PDE1C: variants seen among roughly 807,000 people sequenced by gnomAD.
PDE1C encodes dual specificity calcium/calmodulin-dependent 3',5'-cyclic nucleotide phosphodiesterase 1C.
Under a neutral mutation model 93.1 loss-of-function variants are expected in PDE1C, and 62 were observed. The observed-to-expected ratio is 0.67, with a 90% CI of 0.54 to 0.82. The LOEUF (loss-of-function observed/expected upper bound fraction) is 0.82. PDE1C is among the 40% of genes least tolerant of loss of function. The pLI is 0.00. For missense variants in PDE1C, 742 were observed against 884.6 expected (o/e 0.84, Z 2.04); for synonymous variants, 325 against 310.1 (o/e 1.05, Z -0.50).
At position 32,011,010 on chromosome 7, in the gene PDE1C, C is replaced by T. The variant is rs75425285; in HGVS notation, c.128+40544G>A. ...ACAGACATCAAAAGCACAATCCATA[C>T]AAAAAAAGAAACTAATAAGCTGGAC... is the stretch of plus-strand genomic sequence containing the variant. On this transcript the variant is annotated intron_variant, in intron 2 of 17. Coordinates refer to ENST00000396191, the MANE Select transcript of PDE1C (RefSeq NM_001191057.4). 9.5e-3 allele frequency among the ~76,000 whole-genome samples: 1,439 copies of T among 151,732 alleles called. 28 individuals are homozygous for T. Among genetic ancestry groups the T allele is most frequent in the African/African-American group, 0.033 (1,373 of 41,378 alleles).
chr7:31,789,959 T>G, intron 16 of PDE1C: 1 of 1,218,278 alleles, frequency 8.2e-7, no homozygotes, highest in Non-Finnish European at 1.0e-6. Flanking sequence ...AGGATGCCCC[T>G]TCATGTTTTG....
intron 9 of PDE1C, among the ~76,000 whole-genome samples, chr7:31,842,219 AT>A (rs1329310609): frequency 1.3e-5 from 2 of 152,106 alleles, no homozygotes; most frequent in East Asian, 3.8e-4. Flanking sequence ...TTTACTGAGA[AT>A]TGTTATAGCT....
chr7:32,003,040 T>C (rs919808288), intron 2 of PDE1C, among the ~76,000 whole-genome samples: 2 of 152,242 alleles, frequency 1.3e-5, no homozygotes, highest in African/African-American at 2.4e-5. Context: ...ATCAGCACTA[T>C]AGCTTCTCTT....
intron 1 of PDE1C, among the ~76,000 whole-genome samples, chr7:32,311,457 A>G (rs1783038298): frequency 6.6e-6 from 1 of 152,358 alleles, no homozygotes; most frequent in Admixed American, 6.5e-5. Context: ...ACCAAAAAAG[A>G]GAATTTTAGA....
chr7:31,973,234 C>T (rs1407950246), intron 2 of PDE1C, among the ~76,000 whole-genome samples: 1 of 152,052 alleles, frequency 6.6e-6, no homozygotes, highest in Admixed American at 6.6e-5. Flanking sequence ...ACAAAAGACT[C>T]AACAGTCATA....
At chr7:31,909,419 G>C (rs1378193907) in intron 2 of PDE1C, among the ~76,000 whole-genome samples, 1 of 152,100 alleles carries the variant, frequency 6.6e-6, no homozygotes, top group Non-Finnish European at 1.5e-5. Flanking sequence ...GACTAACTTG[G>C]TTTGGCTGGA....
chr7:32,235,427 A>C (rs1226555550), intron 1 of PDE1C, among the ~76,000 whole-genome samples: 2 of 151,716 alleles, frequency 1.3e-5, no homozygotes, highest in Non-Finnish European at 2.9e-5. Flanking sequence ...CAAAAAAAAA[A>C]CTCCTAGAAC....
At chr7:31,769,805 C>T (rs1795367961) in intron 17 of PDE1C, among the ~76,000 whole-genome samples, 1 of 152,212 alleles carries the variant, frequency 6.6e-6, no homozygotes, top group East Asian at 1.9e-4. Context: ...AATGTACTTT[C>T]TGTCTCTATG....
At chr7:31,827,606 A>C (rs1789854133) in intron 12 of PDE1C, among the ~76,000 whole-genome samples, 1 of 152,128 alleles carries the variant, frequency 6.6e-6, no homozygotes, top group Admixed American at 6.5e-5. Flanking sequence ...AAAAAAGCAT[A>C]AGCACTCAAA....
chr7:32,408,780 C>G (rs2128097332), intron 1 of PDE1C, among the ~76,000 whole-genome samples: 1 of 152,024 alleles, frequency 6.6e-6, no homozygotes, highest in South Asian at 2.1e-4. Context: ...CAAAGCGAGA[C>G]TCTGTCTCAA....
At chr7:32,032,529 G>T (rs1048645504) in intron 2 of PDE1C, among the ~76,000 whole-genome samples, 3 of 152,166 alleles carry the variant, frequency 2.0e-5, no homozygotes, top group African/African-American at 7.2e-5. Context: ...TTCCCAAAAG[G>T]CACATGTAAA....
intron 17 of PDE1C, among the ~76,000 whole-genome samples, chr7:31,765,430 G>C (rs960510475): frequency 6.6e-6 from 1 of 152,106 alleles, no homozygotes; most frequent in Non-Finnish European, 1.5e-5. Flanking sequence ...ATCATATTTT[G>C]GAGATAACGC....
chr7:31,671,136 T>C, the PDE1C span, among the ~76,000 whole-genome samples: 2 of 152,286 alleles, frequency 1.3e-5, no homozygotes, highest in Admixed American at 1.3e-4. Context: ...AGAACTTGAG[T>C]GCAGCCGCAA....
At chr7:32,427,340 C>T (rs1300104945) in intron 1 of PDE1C, among the ~76,000 whole-genome samples, 1 of 152,148 alleles carries the variant, frequency 6.6e-6, no homozygotes, top group African/African-American at 2.4e-5. Context: ...ACGTCCACCT[C>T]TGACTTCAAA....
chr7:31,987,714 A>C (rs1372982720), intron 2 of PDE1C, among the ~76,000 whole-genome samples: 2 of 152,234 alleles, frequency 1.3e-5, no homozygotes, highest in Non-Finnish European at 2.9e-5. Context: ...AGAAGCACAC[A>C]AAGTAGGACT....
rs1445118523 is a variant in PDE1C at position 31,751,480 on chromosome 7, G to A, written c.*1904C>T. On this transcript the variant is annotated 3_prime_UTR_variant, in exon 18 of 18. Coordinates refer to ENST00000396191, the MANE Select transcript of PDE1C (RefSeq NM_001191057.4). Reference sequence around the variant, plus strand: ...GACAGATAGGTAGGGAACATTATTTGAGGAGGCTACTACTCCCATGGGCCT... The same window carrying A: ...GACAGATAGGTAGGGAACATTATTTAAGGAGGCTACTACTCCCATGGGCCT... The A allele has an allele frequency of 6.6e-6, 1 of 152,136 alleles. No individual in the cohort carries two copies. Among genetic ancestry groups the A allele is most frequent in the Non-Finnish European group, 1.5e-5 (1 of 68,028 alleles). The allele number at this position is 152,136 out of a possible 1,614,324, so 9.4% of individuals were successfully genotyped here.
chr7:31,734,145 A>T, the PDE1C span, among the ~76,000 whole-genome samples: 2 of 152,194 alleles, frequency 1.3e-5, no homozygotes, highest in African/African-American at 4.8e-5. Flanking sequence ...CTGAGCACCT[A>T]GTATGAGGAA....
intron 1 of PDE1C, among the ~76,000 whole-genome samples, chr7:32,242,823 A>G (rs533406963): frequency 6.6e-6 from 1 of 152,326 alleles, no homozygotes; most frequent in East Asian, 1.9e-4. Flanking sequence ...ACCCAGTTTT[A>G]GTTGAAGCAA....
chr7:31,670,984 T>A, the PDE1C span, among the ~76,000 whole-genome samples: 3 of 152,126 alleles, frequency 2.0e-5, no homozygotes, highest in South Asian at 6.2e-4. Flanking sequence ...TACAGCCAGA[T>A]TCTGGGGAAA....
Sources: allele counts gnomAD v4.1 joint callset (sites outside exome capture counted in the v4.1 genomes callset), GRCh38; gene constraint gnomAD v4.1.1; transcripts MANE v1.5; gene names NCBI Gene and HGNC (gene_info 2026-07-23, HGNC 2026-07-21).